The following HEG1 variants were observed in gnomAD, a reference collection of about 807,000 sequenced individuals.
HEG1 encodes heart development protein with EGF like domains 1.
A neutral mutation model predicts 125.6 loss-of-function variants in HEG1; 56 were observed. The ratio of observed to expected loss-of-function variants is 0.45; its 90% CI spans 0.36 to 0.56. HEG1 has a LOEUF of 0.56. Among genes scored for constraint, HEG1 ranks in the 20% least tolerant of loss-of-function variants. The pLI is 0.00. For synonymous variants in HEG1, 644 were observed against 668.5 expected (o/e 0.96, Z 0.57); for missense variants, 1,523 against 1,670.0 (o/e 0.91, Z 1.53).
At chr3:125,045,463 C>T (rs2948777) in intron 1 of HEG1, among the ~76,000 whole-genome samples, 38,560 of 152,048 alleles carry the variant, frequency 0.25, 5,249 homozygotes, top group African/African-American at 0.32. Flanking sequence ...ATAGCAGGTG[C>T]TCCATAAATG....
chr3:125,001,892 C>T lies in HEG1; in HGVS notation c.3477G>A (p.Glu1159=). The change falls in exon 11 of 17, where the codon GAG becomes GAA. Residue 1159 remains glutamate, a synonymous_variant. Transcript: ENST00000311127. ...KCVNSCKSSA[E]VCQLLGSQRR... ...TCTGAGATCCCAAGAGCTGGCAGACCTCAGCAGAGGACTTGCAGGAGTTGA... is the reference window on the plus strand; with the variant it reads ...TCTGAGATCCCAAGAGCTGGCAGACTTCAGCAGAGGACTTGCAGGAGTTGA... 1 of 1,613,656 alleles carries T rather than the reference C, an allele frequency of 6.2e-7. No individual in the cohort carries two copies. Among genetic ancestry groups the T allele is most frequent in the East Asian group, 2.2e-5 (1 of 44,880 alleles).
intron 1 of HEG1, among the ~76,000 whole-genome samples, chr3:125,048,374 C>T (rs778719309): frequency 3.9e-5 from 6 of 152,216 alleles, no homozygotes; most frequent in Non-Finnish European, 7.3e-5. Context: ...CCATGGTCCT[C>T]ATGGCCCTGG....
chr3:125,020,299 A>C (rs534460842), intron 4 of HEG1, among the ~76,000 whole-genome samples: 26 of 152,252 alleles, frequency 1.7e-4, no homozygotes, highest in African/African-American at 6.0e-4. Context: ...AGTGGCATGC[A>C]CCTGTAGTCC....
Position 125,027,504 on chromosome 3 carries a change from G to T in HEG1, c.614C>A (p.Ser205Ter). 6.3e-7 allele frequency: 1 copy of T among 1,594,218 alleles called. No homozygotes were observed. The highest frequency in any genetic ancestry group is 8.5e-7 in the Non-Finnish European group (1 of 1,171,490). ...GCTGGATGGCAGGTGAAGACTTTCT[G>T]AGGCTGAAAACAGACAAAAACAATT... Reference protein sequence around the residue: ...ALTSQSGNLASESLHLPSSSS... With the variant: ...ALTSQSGNLA Residue 205 changes from serine to a stop codon, truncating the protein, a stop_gained, in exon 3 of 17, where the codon TCA becomes TAA. Transcript: ENST00000311127. LOFTEE classifies it high-confidence loss of function.
chr3:125,027,649 A>C (rs1236519397), intron 2 of HEG1, 142 bp from the exon 3 acceptor site: 9 of 719,654 alleles, frequency 1.3e-5, no homozygotes, highest in Non-Finnish European at 2.0e-5. Flanking sequence ...TATGAAAAAT[A>C]AACTCCTGAA....
chr3:125,046,731 C>T (rs905346303), intron 1 of HEG1, among the ~76,000 whole-genome samples: 5 of 152,174 alleles, frequency 3.3e-5, no homozygotes, highest in Admixed American at 1.3e-4. Flanking sequence ...ATCCGCAACC[C>T]CATTTTCAAT....
rs1344485057 is a variant in HEG1, at chr3:125,027,464, A to T, written c.654T>A (p.Asp218Glu). Reference sequence around the variant, plus strand: ...TTGTTTGAAAAGCGGCAATTCTTTCATCGAACTCTGAACTGCTGGATGGCA... The same window carrying T: ...TTGTTTGAAAAGCGGCAATTCTTTCTTCGAACTCTGAACTGCTGGATGGCA... ...LHLPSSSSEFDERIAAFQTKS... is the reference protein window; with the variant it reads ...LHLPSSSSEFEERIAAFQTKS... The change falls in exon 3 of 17, where the codon GAT becomes GAA. Residue 218 changes from aspartate to glutamate, a missense_variant. Physicochemically the swap from Asp to Glu is conservative, Grantham distance 45. Coordinates refer to ENST00000311127, the MANE Select transcript of HEG1 (RefSeq NM_020733.2). 6.2e-7 allele frequency: 1 copy of T among 1,613,380 alleles called. No homozygotes were observed. Among genetic ancestry groups the T allele is most frequent in the East Asian group, 2.2e-5 (1 of 44,890 alleles).
chr3:125,028,354 C>T (rs935257786), intron 2 of HEG1, among the ~76,000 whole-genome samples: 1 of 152,230 alleles, frequency 6.6e-6, no homozygotes, highest in Non-Finnish European at 1.5e-5. Context: ...GTCCCTAACC[C>T]CGTTCACGCA....
At chr3:124,992,240 T>C (rs1936846944) in intron 12 of HEG1, among the ~76,000 whole-genome samples, 1 of 152,166 alleles carries the variant, frequency 6.6e-6, no homozygotes, top group Admixed American at 6.5e-5. Context: ...AACCCTCGGG[T>C]GGTGCAGCTC....
At chr3:125,023,663 T>C (rs1937370823) in intron 3 of HEG1, among the ~76,000 whole-genome samples, 2 of 111,082 alleles carry the variant, frequency 1.8e-5, no homozygotes, top group Non-Finnish European at 4.1e-5. Context: ...GTTAAATAAA[T>C]CTGGGGGAAA....
chr3:124,979,390 T>C (rs1399353364), intron 14 of HEG1, among the ~76,000 whole-genome samples: 2 of 152,234 alleles, frequency 1.3e-5, no homozygotes, highest in African/African-American at 4.8e-5. Flanking sequence ...TCAACCATGC[T>C]AGGGACTGAG....
chr3:124,970,535 C>T lies in HEG1; in HGVS notation c.*117G>A. 1.2e-6 allele frequency: 1 copy of T among 867,284 alleles called. No homozygotes were observed. Among genetic ancestry groups the T allele is most frequent in the Non-Finnish European group, 1.8e-6 (1 of 567,498 alleles). 53.7% of individuals were successfully genotyped at this position (867,284 alleles called of 1,614,324 possible). ...ACGCCCCGCATGCCTGTCCCTCTTC[C>T]TGCTTGCCACTCAGCGTGGCTCCCG... On this transcript the variant is annotated 3_prime_UTR_variant, in exon 17 of 17. Coordinates refer to ENST00000311127, the MANE Select transcript of HEG1 (RefSeq NM_020733.2).
At chr3:124,986,069 T>C (rs1579400134) in intron 14 of HEG1, among the ~76,000 whole-genome samples, 1 of 152,246 alleles carries the variant, frequency 6.6e-6, no homozygotes, top group African/African-American at 2.4e-5. Context: ...TGAGCCACTG[T>C]GCCTTGCCCT....
At chr3:125,049,460 A>G (rs570880170) in intron 1 of HEG1, among the ~76,000 whole-genome samples, 2 of 152,140 alleles carry the variant, frequency 1.3e-5, no homozygotes, top group South Asian at 4.1e-4. Context: ...CGTGGCTTTA[A>G]CTACTGCCCC....
intron 3 of HEG1, among the ~76,000 whole-genome samples, chr3:125,023,547 G>C (rs2107705109): frequency 6.6e-6 from 1 of 152,318 alleles, no homozygotes; most frequent in Middle Eastern, 3.4e-3. Flanking sequence ...GGAAAGCTAT[G>C]AAATGTGTGT....
Position 125,002,325 on chromosome 3 carries a change from A to G in HEG1, c.3298-10T>C. 1 of 1,612,354 alleles carries G rather than the reference A, an allele frequency of 6.2e-7. No homozygotes were observed. Among genetic ancestry groups the G allele is most frequent in the African/African-American group, 1.3e-5 (1 of 74,996 alleles). On this transcript the variant is annotated splice_polypyrimidine_tract_variant and intron_variant, in intron 9 of 16. Coordinates refer to ENST00000311127, the MANE Select transcript of HEG1 (RefSeq NM_020733.2). ...AAAAACACATATTTAACTGAAAGGA[A>G]GAACAAGCCTGTCGTTAACAGTGAG...
At chr3:125,041,996 T>C (rs1937597067) in intron 1 of HEG1, among the ~76,000 whole-genome samples, 1 of 152,218 alleles carries the variant, frequency 6.6e-6, no homozygotes, top group African/African-American at 2.4e-5. Flanking sequence ...TTTGGGATGA[T>C]GAAAAATTTC....
At chr3:125,047,009 G>T (rs1487436231) in intron 1 of HEG1, among the ~76,000 whole-genome samples, 1 of 152,234 alleles carries the variant, frequency 6.6e-6, no homozygotes, top group Non-Finnish European at 1.5e-5. Context: ...ATGACCATAG[G>T]TGAGGGCTGT....
At chr3:125,044,234 T>G (rs1261864321) in intron 1 of HEG1, among the ~76,000 whole-genome samples, 1 of 152,214 alleles carries the variant, frequency 6.6e-6, no homozygotes, top group African/African-American at 2.4e-5. Context: ...TAATGCGTTT[T>G]GTAAATCAAG....
Sources: gnomAD v4.1 joint callset for allele counts (sites outside exome capture counted in the v4.1 genomes callset) on GRCh38, gnomAD v4.1.1 for gene constraint, MANE v1.5 for transcripts, NCBI Gene and HGNC (gene_info 2026-07-23, HGNC 2026-07-21) for gene names.